The following GXYLT2 variants were observed in gnomAD, a reference collection of about 807,000 sequenced individuals.
The protein encoded by GXYLT2 is glucoside xylosyltransferase 2, also known as glycosyltransferase 8 domain containing 4.
GXYLT2 carries 53 observed loss-of-function variants against 45.8 expected under a neutral mutation model. The ratio of observed to expected loss-of-function variants is 1.16; its 90% CI spans 0.93 to 1.46. GXYLT2 has a LOEUF of 1.46. Ranked by LOEUF, GXYLT2 falls within the 40% of genes most tolerant of loss-of-function variation. The pLI is 0.00. For missense variants in GXYLT2, 551 were observed against 544.4 expected (o/e 1.01, Z -0.12); for synonymous variants, 219 against 214.2 (o/e 1.02, Z -0.19).
chr3:72,930,207 T>A (rs375395534), intron 3 of GXYLT2, among the ~76,000 whole-genome samples: 2 of 151,650 alleles, frequency 1.3e-5, no homozygotes, highest in East Asian at 3.9e-4. Context: ...TTATAGTTGA[T>A]AAAGAATACA....
chr3:72,929,644 C>T, intron 3 of GXYLT2: 3 of 813,666 alleles, frequency 3.7e-6, no homozygotes, highest in Non-Finnish European at 6.4e-6. Context: ...TCCCTGGTCA[C>T]CAAGGCAGTG....
intron 6 of GXYLT2, among the ~76,000 whole-genome samples, chr3:72,972,375 G>T (rs1025105147): frequency 2.0e-5 from 1 of 49,352 alleles, no homozygotes; most frequent in Non-Finnish European, 3.2e-5. Flanking sequence ...GCTGGGCGCA[G>T]TGGGTCACAC....
chr3:72,962,948 G>C (rs986562616), intron 5 of GXYLT2, among the ~76,000 whole-genome samples: 9 of 98,864 alleles, frequency 9.1e-5, no homozygotes, highest in Non-Finnish European at 2.0e-4. Context: ...TTCCAGGATG[G>C]GACATTAAAA....
intron 2 of GXYLT2, among the ~76,000 whole-genome samples, chr3:72,910,748 A>G (rs1290003204): frequency 6.6e-6 from 1 of 152,190 alleles, no homozygotes; most frequent in Non-Finnish European, 1.5e-5. Context: ...CCCGCCTTTC[A>G]TTCCCTCAGT....
intron 3 of GXYLT2, among the ~76,000 whole-genome samples, chr3:72,949,833 C>T (rs904317141): frequency 1.3e-5 from 2 of 151,998 alleles, no homozygotes; most frequent in African/African-American, 4.8e-5. Flanking sequence ...ATTACTACTA[C>T]TACCATAGCC....
At position 72,920,818 on chromosome 3, in the gene GXYLT2, A is replaced by AT. The variant is rs11314689; in HGVS notation, c.469-1371dup. 4.1e-3 allele frequency among the ~76,000 whole-genome samples: 560 copies of AT among 137,910 alleles called. 5 individuals are homozygous for AT. The highest frequency in any genetic ancestry group is 0.017 in the South Asian group (74 of 4,330). 90.5% of individuals were successfully genotyped at this position (137,910 alleles called of 152,430 possible). On this transcript the variant is annotated intron_variant, in intron 2 of 6. Transcript: ENST00000389617. ...TACATGCATATATATATATATATGT[A>AT]TTTTTTTTTTTTTTTAGTCAGAGTC...
At chr3:72,938,342 G>T (rs1202579979) in intron 3 of GXYLT2, among the ~76,000 whole-genome samples, 1 of 152,168 alleles carries the variant, frequency 6.6e-6, no homozygotes, top group Non-Finnish European at 1.5e-5. Flanking sequence ...AGGATTTAAA[G>T]ATATAACTTA....
intron 3 of GXYLT2, among the ~76,000 whole-genome samples, chr3:72,930,555 T>C (rs915017363): frequency 2.1e-4 from 32 of 150,558 alleles, no homozygotes; most frequent in African/African-American, 7.6e-4. Flanking sequence ...GTAGGAGATA[T>C]GAGTGCCCCT....
intron 2 of GXYLT2, among the ~76,000 whole-genome samples, chr3:72,911,193 A>C (rs1709612649): frequency 6.6e-6 from 1 of 152,166 alleles, no homozygotes; most frequent in African/African-American, 2.4e-5. Flanking sequence ...CAGGAGGTTG[A>C]GGCAGGAGAA....
Position 72,931,932 on chromosome 3 carries a change from G to A in GXYLT2, c.600+9597G>A, listed in dbSNP as rs1356381106. Reference sequence around the variant, plus strand: ...GGGAAGACTCAAACTACTAAAATCAGGAAGGAAAGAGGGAACATAACTACC... The same window carrying A: ...GGGAAGACTCAAACTACTAAAATCAAGAAGGAAAGAGGGAACATAACTACC... On this transcript the variant is annotated intron_variant, in intron 3 of 6. Coordinates refer to ENST00000389617, the MANE Select transcript of GXYLT2 (RefSeq NM_001080393.2). Among the ~76,000 whole-genome samples, 3 of 151,916 alleles carry A rather than the reference G, an allele frequency of 2.0e-5. No homozygotes were observed. In the South Asian group the frequency reaches 6.2e-4, roughly 32 times the overall value.
chr3:72,955,709 C>T (rs974384682), intron 4 of GXYLT2, among the ~76,000 whole-genome samples: 6 of 152,092 alleles, frequency 3.9e-5, no homozygotes, highest in East Asian at 1.9e-4. Flanking sequence ...TAAGGATGTT[C>T]GTGATCTCAT....
chr3:72,947,532 G>A (rs1047098300), intron 3 of GXYLT2, among the ~76,000 whole-genome samples: 1 of 152,158 alleles, frequency 6.6e-6, no homozygotes, highest in Non-Finnish European at 1.5e-5. Context: ...GGGCACAGTG[G>A]CTCACACCTG....
At chr3:72,920,979 G>T (rs973125139) in intron 2 of GXYLT2, among the ~76,000 whole-genome samples, 1 of 151,272 alleles carries the variant, frequency 6.6e-6, no homozygotes, top group Non-Finnish European at 1.5e-5. Flanking sequence ...CCACCACCAC[G>T]CCAGCTAATT....
intron 2 of GXYLT2, among the ~76,000 whole-genome samples, chr3:72,910,589 C>T (rs1181808836): frequency 1.3e-5 from 2 of 152,180 alleles, no homozygotes; most frequent in African/African-American, 4.8e-5. Flanking sequence ...GCTTGCTTCC[C>T]AGGGGACAGA....
intron 3 of GXYLT2, among the ~76,000 whole-genome samples, chr3:72,933,386 G>A (rs1255573339): frequency 1.3e-5 from 2 of 152,168 alleles, no homozygotes; most frequent in Non-Finnish European, 2.9e-5. Context: ...GCTAGTAAAT[G>A]CTAATAGATG....
At chr3:72,909,558 A>T (rs977069945) in intron 2 of GXYLT2, among the ~76,000 whole-genome samples, 1 of 152,130 alleles carries the variant, frequency 6.6e-6, no homozygotes, top group African/African-American at 2.4e-5. Context: ...CATTGTTCCC[A>T]GTCAGTACTC....
rs1025618413 is a variant in GXYLT2 at position 72,956,256 on chromosome 3, A to G, written c.852+907A>G. Among the ~76,000 whole-genome samples, 4 of 152,264 alleles carry G rather than the reference A, an allele frequency of 2.6e-5. No homozygotes were observed. The East Asian group carries it at 7.7e-4, about 29-fold the overall frequency. On this transcript the variant is annotated intron_variant, in intron 4 of 6. Transcript: ENST00000389617. ...ACCCTGTCTCTAAAAAAAGAAAGAA[A>G]GAAAGAAAAAGACATGTCCAGAAGA...
In GXYLT2 at chr3:72,916,664, CT is replaced by C. The variant is rs373766292; in HGVS notation, c.469-5539del. 7.9e-5 allele frequency among the ~76,000 whole-genome samples: 12 copies of C among 152,116 alleles called. No individual in the cohort carries two copies. In the East Asian group the frequency reaches 1.2e-3, roughly 15 times the overall value. ...CAGTGCTTCTTGTGCCTCAGCCCCC[CT>C]AGTAGCTGGGATTACAGTCGTGCAC... On this transcript the variant is annotated intron_variant, in intron 2 of 6. Transcript: ENST00000389617.
intron 2 of GXYLT2, among the ~76,000 whole-genome samples, chr3:72,911,017 C>T (rs544702126): frequency 6.6e-6 from 1 of 152,154 alleles, no homozygotes; most frequent in African/African-American, 2.4e-5. Context: ...AAGGGCCAGG[C>T]GTGGTGGCTC....
Sources: gnomAD v4.1 joint callset for allele counts (sites outside exome capture counted in the v4.1 genomes callset) on GRCh38, gnomAD v4.1.1 for gene constraint, MANE v1.5 for transcripts, NCBI Gene and HGNC (gene_info 2026-07-23, HGNC 2026-07-21) for gene names.